MUC22: variants seen among roughly 807,000 people sequenced by gnomAD.
MUC22 encodes mucin 22.
MUC22 carries 24 observed loss-of-function variants against 40.3 expected under a neutral mutation model. That is an observed-to-expected ratio of 0.60 (90% CI 0.43 to 0.84). MUC22 has a LOEUF of 0.84. Ranked by LOEUF, MUC22 falls within the 40% of genes least tolerant of loss-of-function variation. The probability of loss-of-function intolerance (pLI) is 0.00; values close to 1 mark genes in which losing one functional copy is unlikely to be tolerated. For missense variants in MUC22, 1,926 were observed against 2,130.7 expected (o/e 0.90, Z 1.89); for synonymous variants, 765 against 844.5 (o/e 0.91, Z 1.63).
chr6:31,016,948 C>T (rs948973122), intron 1 of MUC22, among the ~76,000 whole-genome samples: 3 of 152,248 alleles, frequency 2.0e-5, no homozygotes, highest in Admixed American at 2.0e-4. Context: ...GCACCCGGGC[C>T]AGCAGCTGCG....
chr6:31,017,261 C>T (rs1425498351), intron 1 of MUC22, among the ~76,000 whole-genome samples: 1 of 152,192 alleles, frequency 6.6e-6, no homozygotes, highest in East Asian at 1.9e-4. Context: ...CAGCTGGGCT[C>T]CTGAGTGTAG....
chr6:31,007,124 A>G (rs538367300), upstream of MUC22, among the ~76,000 whole-genome samples: 2 of 152,270 alleles, frequency 1.3e-5, no homozygotes, highest in Non-Finnish European at 2.9e-5. The surrounding 1 kb of genome is among the most constrained non-coding windows in gnomAD (Gnocchi z 4.0). Flanking sequence ...TATGGTAGAA[A>G]TTACATTCTT....
intron 1 of MUC22, among the ~76,000 whole-genome samples, chr6:31,022,109 G>A (rs959505216): frequency 5.3e-5 from 8 of 151,986 alleles, no homozygotes; most frequent in African/African-American, 1.9e-4. Flanking sequence ...CCACCAGAAG[G>A]AAGAAACTCC....
upstream of MUC22, among the ~76,000 whole-genome samples, chr6:31,006,497 G>A (rs918184101): frequency 6.6e-6 from 1 of 152,112 alleles, no homozygotes; most frequent in East Asian, 1.9e-4. Flanking sequence ...TACAATGGTG[G>A]ATGCCTGTCA....
chr6:31,024,678 G>T (rs932593766), intron 1 of MUC22, among the ~76,000 whole-genome samples: 1 of 152,118 alleles, frequency 6.6e-6, no homozygotes, highest in African/African-American at 2.4e-5. Context: ...AAAGGCAGGG[G>T]TCCTGCTTCA....
intron 1 of MUC22, among the ~76,000 whole-genome samples, chr6:31,019,090 G>C (rs1764483118): frequency 6.6e-6 from 1 of 152,220 alleles, no homozygotes; most frequent in African/African-American, 2.4e-5. Flanking sequence ...ACTGCCAACA[G>C]TCTCCTGGAT....
chr6:31,017,286 A>G (rs1764293280), intron 1 of MUC22, among the ~76,000 whole-genome samples: 1 of 152,168 alleles, frequency 6.6e-6, no homozygotes, highest in African/African-American at 2.4e-5. Flanking sequence ...GACTTGGAGA[A>G]CCTTTATGTC....
chr6:31,029,880 T>C, exon 2 of MUC22: 3 of 1,522,402 alleles, frequency 2.0e-6, no homozygotes, highest in Non-Finnish European at 2.6e-6. Flanking sequence ...GTGCAGGCTC[T>C]GAGACCAACA....
chr6:31,027,699 C>A, exon 2 of MUC22: 8 of 1,532,508 alleles, frequency 5.2e-6, no homozygotes, highest in Non-Finnish European at 7.0e-6. Flanking sequence ...CTGACACCAC[C>A]ACAGCCTCTA....
intron 1 of MUC22, among the ~76,000 whole-genome samples, chr6:31,013,284 G>A (rs1436674750): frequency 2.0e-5 from 3 of 151,766 alleles, no homozygotes; most frequent in South Asian, 4.2e-4. Context: ...ACACCGCCAC[G>A]CCCAGCTAAT....
In MUC22 at chr6:31,032,522, A is replaced by G; in HGVS notation, c.4996A>G (p.Ile1666Val). Residue 1666 changes from isoleucine to valine, a missense_variant, in exon 3 of 4, where the codon ATT (isoleucine) becomes GTT (valine). Ile to Val is a conservative substitution (Grantham distance 29). This residue lies in a region of MUC22 where 610 missense variants were observed against 714.6 expected (regional missense o/e 0.85). Coordinates refer to ENST00000561890, the Ensembl canonical transcript of MUC22. This position sits in a 1 kb window ranked among gnomAD's most constrained non-coding sequence, Gnocchi z 4.1. ...TTTACAGCCCTGGGCTATCATCCTC[A>G]TTTCCCTGGCTGCAGTTGTGGCTGC... 1 of 1,535,646 alleles carries G rather than the reference A, an allele frequency of 6.5e-7. No homozygotes were observed. The highest frequency in any genetic ancestry group is 8.7e-7 in the Non-Finnish European group (1 of 1,146,892).
At chr6:31,025,934 C>T in exon 2 of MUC22, 2 of 1,535,176 alleles carry the variant, frequency 1.3e-6, no homozygotes, top group South Asian at 1.2e-5. Context: ...AAAACGATGG[C>T]CTCCTCCATA....
At chr6:31,028,097 C>T in exon 2 of MUC22, 1 of 1,534,692 alleles carries the variant, frequency 6.5e-7, no homozygotes, top group Non-Finnish European at 8.7e-7. Flanking sequence ...ACCACAGCCT[C>T]TACTGAAGGC....
At chr6:31,020,756 G>GCGCTTGC (rs908945360) in intron 1 of MUC22, among the ~76,000 whole-genome samples, 1 of 152,318 alleles carries the variant, frequency 6.6e-6, no homozygotes, top group African/African-American at 2.4e-5. Context: ...ACTGTGCGCG[G>GCGCTTGC]CGCTTGCGGG....
intron 1 of MUC22, among the ~76,000 whole-genome samples, chr6:31,016,715 C>G (rs891708837): frequency 6.6e-6 from 1 of 152,274 alleles, no homozygotes; most frequent in African/African-American, 2.4e-5. Context: ...CCTTCAGCCC[C>G]CCGCTGCACT....
exon 2 of MUC22, chr6:31,028,466 C>G: frequency 6.5e-7 from 1 of 1,534,638 alleles, no homozygotes; most frequent in Non-Finnish European, 8.7e-7. Context: ...ACTACAGGCT[C>G]TGAGACCACC....
At position 31,032,768 on chromosome 6, in the gene MUC22, T is replaced by C. The variant is rs1323270760; in HGVS notation, c.5055+187T>C. Among the ~76,000 whole-genome samples the C allele has an allele frequency of 1.3e-5, 2 of 151,430 alleles. No individual in the cohort carries two copies. The highest frequency in any genetic ancestry group is 2.9e-5 in the Non-Finnish European group (2 of 67,906). On this transcript the variant is annotated intron_variant, in intron 3 of 3. Transcript: ENST00000561890. The surrounding 1 kb of genome is among the most constrained non-coding windows in gnomAD (Gnocchi z 4.1). ...AAGTCAGAGAAAGTGAGAAGCAAAGTAGAAAAAGAGGAGGGAAAAGATGGA... is the reference window on the plus strand; with the variant it reads ...AAGTCAGAGAAAGTGAGAAGCAAAGCAGAAAAAGAGGAGGGAAAAGATGGA...
intron 1 of MUC22, among the ~76,000 whole-genome samples, chr6:31,019,941 G>GTA (rs1391624926): frequency 2.0e-5 from 3 of 152,152 alleles, no homozygotes; most frequent in Admixed American, 2.0e-4. Flanking sequence ...GGTGGAGGGA[G>GTA]TATGGGCTGA....
intron 2 of MUC22, among the ~76,000 whole-genome samples, chr6:31,031,250 C>A (rs954524226): frequency 7.2e-5 from 11 of 152,146 alleles, no homozygotes. Flanking sequence ...CCTCTCCTAT[C>A]CCTGTGAGCA....
Sources: allele counts gnomAD v4.1 joint callset (sites outside exome capture counted in the v4.1 genomes callset), GRCh38; gene constraint gnomAD v4.1.1; regional missense constraint gnomAD v4.1.1; non-coding constraint Gnocchi (gnomAD v3.1); transcripts MANE v1.5; gene names NCBI Gene and HGNC (gene_info 2026-07-23, HGNC 2026-07-21).